The following JMJD1C variants were observed in gnomAD, a reference collection of about 807,000 sequenced individuals.
JMJD1C encodes jumonji domain containing 1C.
A neutral mutation model predicts 245.3 loss-of-function variants in JMJD1C; 31 were observed. The observed-to-expected ratio is 0.13, with a 90% confidence interval of 0.09 to 0.17. The LOEUF (loss-of-function observed/expected upper bound fraction) is 0.17, where lower values mean the gene tolerates loss of function less well. Ranked by LOEUF, JMJD1C falls within the 10% of genes least tolerant of loss-of-function variation. JMJD1C has a pLI of 1.00. For synonymous variants in JMJD1C, 1,057 were observed against 1,017.4 expected (o/e 1.04, Z -0.74); for missense variants, 2,691 against 3,000.2 (o/e 0.90, Z 2.41).
intron 2 of JMJD1C, among the ~76,000 whole-genome samples, chr10:63,301,339 GCA>G (rs1252354613): frequency 1.3e-5 from 2 of 152,098 alleles, no homozygotes; most frequent in African/African-American, 4.8e-5. Context: ...TCTCTCACAT[GCA>G]CAGTGTACAA....
Position 63,215,571 on chromosome 10 carries a change from T to C in JMJD1C, c.804A>G (p.Gln268=). The C allele has an allele frequency of 1.2e-6, 2 of 1,609,730 alleles. No homozygotes were observed. Among genetic ancestry groups the C allele is most frequent in the Non-Finnish European group, 8.5e-7 (1 of 1,176,462 alleles). ...ITSRRRSRAN[Q]NVNAVHSHYT... ...TACATACGTGAACAGCGTTGACGTT[T>C]TGATTGGCACGAGACCTGCGTCGTG... Residue 268 remains glutamine, a synonymous_variant, in exon 6 of 26, where the codon CAA becomes CAG. Transcript: ENST00000399262.
At chr10:63,513,384 G>GGGCACT (rs1405459992) in intron 1 of JMJD1C, among the ~76,000 whole-genome samples, 77 of 152,218 alleles carry the variant, frequency 5.1e-4, no homozygotes, top group South Asian at 8.3e-4. Context: ...ACACCACTCT[G>GGGCACT]GGCACTGGCA....
At chr10:63,182,521 G>A (rs555537770) in intron 22 of JMJD1C, among the ~76,000 whole-genome samples, 14 of 152,178 alleles carry the variant, frequency 9.2e-5, no homozygotes, top group Non-Finnish European at 2.1e-4. Context: ...GAACCAATAG[G>A]ATGGAAAGGT....
intron 1 of JMJD1C, among the ~76,000 whole-genome samples, chr10:63,394,509 C>T (rs1265350750): frequency 2.0e-5 from 3 of 152,080 alleles, no homozygotes; most frequent in African/African-American, 4.8e-5. Context: ...TTGGATTAAG[C>T]AAAGAATTCT....
chr10:63,517,645 A>G (rs547318571), intron 1 of JMJD1C, among the ~76,000 whole-genome samples: 33 of 152,322 alleles, frequency 2.2e-4, no homozygotes, highest in African/African-American at 7.9e-4. Context: ...TAAAGAAATC[A>G]TATCTTCTAT....
chr10:63,239,590 A>G (rs1384814781), intron 3 of JMJD1C, among the ~76,000 whole-genome samples: 2 of 152,126 alleles, frequency 1.3e-5, no homozygotes, highest in African/African-American at 4.8e-5. Flanking sequence ...GACTACAGGC[A>G]TGTGCCACCA....
At chr10:63,253,666 G>A (rs774295752) in intron 3 of JMJD1C, among the ~76,000 whole-genome samples, 26 of 152,106 alleles carry the variant, frequency 1.7e-4, no homozygotes, top group Admixed American at 1.3e-3. Context: ...GATTACAGGC[G>A]TGAGCCACCG....
chr10:63,393,759 T>C (rs917853637), intron 1 of JMJD1C, among the ~76,000 whole-genome samples: 3 of 152,232 alleles, frequency 2.0e-5, no homozygotes, highest in Non-Finnish European at 4.4e-5. Flanking sequence ...GGAATTTATA[T>C]ACAAATTTTG....
intron 3 of JMJD1C, among the ~76,000 whole-genome samples, chr10:63,248,091 G>A (rs767810770): frequency 2.0e-5 from 3 of 151,976 alleles, no homozygotes; most frequent in Non-Finnish European, 2.9e-5. Flanking sequence ...AGCTGGGTGT[G>A]GTGGCGGGCG....
chr10:63,234,865 C>G (rs550020794), intron 3 of JMJD1C, among the ~76,000 whole-genome samples: 140 of 152,074 alleles, frequency 9.2e-4, no homozygotes, highest in Admixed American at 7.0e-3. Flanking sequence ...TCTTATAAAA[C>G]CTTTGCTAGT....
At chr10:63,318,357 T>C (rs1480746053) in intron 2 of JMJD1C, among the ~76,000 whole-genome samples, 1 of 152,158 alleles carries the variant, frequency 6.6e-6, no homozygotes, top group Admixed American at 6.6e-5. Flanking sequence ...ATGTCTAATA[T>C]CTTGAAATCA....
intron 3 of JMJD1C, among the ~76,000 whole-genome samples, chr10:63,229,474 T>C (rs74138795): frequency 6.6e-6 from 1 of 152,154 alleles, no homozygotes; most frequent in Non-Finnish European, 1.5e-5. Flanking sequence ...CAACAATTTA[T>C]ACTATCCATG....
chr10:63,276,283 G>A (rs1035247175), intron 2 of JMJD1C, among the ~76,000 whole-genome samples: 6 of 151,922 alleles, frequency 3.9e-5, no homozygotes, highest in Admixed American at 6.6e-5. Flanking sequence ...TGGCTAAAAC[G>A]GTGAAACCCC....
chr10:63,263,957 CAT>C (rs1225520102), intron 3 of JMJD1C, among the ~76,000 whole-genome samples: 29 of 57,178 alleles, frequency 5.1e-4, no homozygotes, highest in Non-Finnish European at 6.7e-4. Flanking sequence ...AAAAAATACA[CAT>C]ACACACACAC....
At chr10:63,273,110 C>T (rs147109701) in intron 2 of JMJD1C, among the ~76,000 whole-genome samples, 5 of 152,326 alleles carry the variant, frequency 3.3e-5, no homozygotes, top group Admixed American at 2.0e-4. Context: ...ACTAAAAATA[C>T]TATAGAATCA....
chr10:63,206,569 G>C (rs763170529), intron 10 of JMJD1C, 26 bp downstream of exon 10: 7 of 1,532,188 alleles, frequency 4.6e-6, no homozygotes, highest in Non-Finnish European at 6.1e-6. Flanking sequence ...CATTTTACCT[G>C]AGATAAAACA....
intron 1 of JMJD1C, chr10:63,382,731 C>T (rs562073385): frequency 2.9e-5 from 13 of 453,848 alleles, no homozygotes; most frequent in Admixed American, 1.4e-4. Flanking sequence ...CATTCTTTTG[C>T]GCTGGAAGCA....
At chr10:63,199,810 CAGAGT>C (rs990772549) in intron 11 of JMJD1C, among the ~76,000 whole-genome samples, 142 of 152,262 alleles carry the variant, frequency 9.3e-4, no homozygotes, top group African/African-American at 3.2e-3. Context: ...GAGTATTCAG[CAGAGT>C]AAAGTGTCTC....
chr10:63,442,557 T>C (rs1415391416), intron 1 of JMJD1C, among the ~76,000 whole-genome samples: 1 of 152,324 alleles, frequency 6.6e-6, no homozygotes, highest in African/African-American at 2.4e-5. Context: ...TAATTCAAAA[T>C]GTAACCAACC....
Sources: gnomAD v4.1 joint callset for allele counts (sites outside exome capture counted in the v4.1 genomes callset) on GRCh38, gnomAD v4.1.1 for gene constraint, MANE v1.5 for transcripts, NCBI Gene and HGNC (gene_info 2026-07-23, HGNC 2026-07-21) for gene names.